Variants in TBCD observed in about 807,000 individuals in gnomAD.
The protein encoded by TBCD is tubulin-specific chaperone D.
A neutral mutation model predicts 169.3 loss-of-function variants in TBCD; 105 were observed. That is an observed-to-expected ratio of 0.62 (90% CI 0.53 to 0.73). The LOEUF is 0.73. Ranked by LOEUF, TBCD falls within the 30% of genes least tolerant of loss-of-function variation. TBCD has a pLI of 0.00. For synonymous variants in TBCD, 700 were observed against 643.9 expected (o/e 1.09, Z -1.32); for missense variants, 1,444 against 1,600.1 (o/e 0.90, Z 1.66).
At chr17:82,776,622 G>A (rs567721271) in intron 6 of TBCD, among the ~76,000 whole-genome samples, 3 of 152,248 alleles carry the variant, frequency 2.0e-5, no homozygotes, top group South Asian at 2.1e-4. Flanking sequence ...GCTGTGTTTC[G>A]ATACTGCACT....
At position 82,807,588 on chromosome 17, in the gene TBCD, T is replaced by C. The variant is rs1319458028; in HGVS notation, c.1088-20T>C. 1.3e-6 allele frequency: 2 copies of C among 1,491,152 alleles called. No homozygotes were observed. Among genetic ancestry groups the C allele is most frequent in the African/African-American group, 1.4e-5 (1 of 71,114 alleles). 92.4% of individuals were successfully genotyped at this position (1,491,152 alleles called of 1,614,324 possible). On this transcript the variant is annotated intron_variant, in intron 10 of 38. Transcript: ENST00000355528. ...AACTTTGTGTGGACTCTGTCACGCA[T>C]CACCTTCCTCTTCCTACAGAGCAGC...
intron 15 of TBCD, among the ~76,000 whole-genome samples, chr17:82,887,168 T>TGTGTGTGTGCGCGCGCGCGC: frequency 1.3e-3 from 160 of 126,156 alleles, no homozygotes; most frequent in South Asian, 2.1e-3. Context: ...TGTGTGTGTG[T>TGTGTGTGTGCGCGCGCGCGC]GCGCGCGCGC....
intron 13 of TBCD, among the ~76,000 whole-genome samples, chr17:82,840,954 G>GTTTTTTTTTT (rs1295995328): frequency 4.5e-5 from 2 of 44,278 alleles, no homozygotes; most frequent in Non-Finnish European, 9.2e-5. Flanking sequence ...AGACAAACTG[G>GTTTTTTTTTT]TTTTTTTTTT....
chr17:82,879,255 C>T (rs1599154803), intron 14 of TBCD, among the ~76,000 whole-genome samples: 2 of 151,876 alleles, frequency 1.3e-5, no homozygotes, highest in African/African-American at 4.8e-5. Flanking sequence ...CCTCTAGGTC[C>T]CCTCCCTCTG....
rs199882667 is a variant in TBCD at position 82,830,704 on chromosome 17, T to C, written c.1318+15770T>C. 254 of 1,613,928 alleles carry C rather than the reference T, an allele frequency of 1.6e-4. No homozygotes were observed. The highest frequency in any genetic ancestry group is 1.1e-4 in the Non-Finnish European group (131 of 1,180,028). On this transcript the variant is annotated intron_variant, in intron 13 of 38. Coordinates refer to ENST00000355528, the MANE Select transcript of TBCD (RefSeq NM_005993.5). ...CTCTGAGAAGCTGGCGGTTTCCGCCTGGGGGCTGCCTTGGTACGTGGGTTC... is the reference window on the plus strand; with the variant it reads ...CTCTGAGAAGCTGGCGGTTTCCGCCCGGGGGCTGCCTTGGTACGTGGGTTC...
At chr17:82,926,860 G>C (rs2061802315) in intron 28 of TBCD, 2 of 495,762 alleles carry the variant, frequency 4.0e-6, no homozygotes, top group Non-Finnish European at 7.2e-6. Flanking sequence ...GCACACAAGA[G>C]GAGCAGTCCC....
At chr17:82,859,738 G>C in intron 13 of TBCD, 1 of 985,478 alleles carries the variant, frequency 1.0e-6, no homozygotes, top group Non-Finnish European at 1.2e-6. Context: ...CCAGTCCACA[G>C]TGGGGGCTGC....
chr17:82,883,534 C>T (rs887952557), intron 14 of TBCD, among the ~76,000 whole-genome samples: 3 of 152,200 alleles, frequency 2.0e-5, no homozygotes, highest in Admixed American at 6.5e-5. Flanking sequence ...AGCGCCTTGG[C>T]GTCTGTGTGT....
rs1401756851 is a variant in TBCD, at chr17:82,915,240, G to A, written c.2038+3451G>A. On this transcript the variant is annotated intron_variant, in intron 23 of 38. Transcript: ENST00000355528. This position sits in a 1 kb window ranked among gnomAD's most constrained non-coding sequence, Gnocchi z 4.3. ...TGACATGCCGCCCGCAGGAGCATCA[G>A]GTGCGCCCTGGCCGCAGGTGCCCCG... Among the ~76,000 whole-genome samples the A allele has an allele frequency of 6.6e-6, 1 of 152,166 alleles. No homozygotes were observed. The highest frequency in any genetic ancestry group is 2.4e-5 in the African/African-American group (1 of 41,448).
intron 22 of TBCD, among the ~76,000 whole-genome samples, chr17:82,911,295 C>T (rs915541640): frequency 1.3e-5 from 2 of 152,232 alleles, no homozygotes; most frequent in Non-Finnish European, 1.5e-5. Context: ...GCGCGCCTGC[C>T]CTTGTGCACC....
At chr17:82,860,636 T>G (rs2056677505) in intron 13 of TBCD, among the ~76,000 whole-genome samples, 1 of 152,202 alleles carries the variant, frequency 6.6e-6, no homozygotes, top group African/African-American at 2.4e-5. Context: ...CTGGCTTTGA[T>G]GGATGATGGA....
At chr17:82,866,498 G>T (rs993231571) in intron 13 of TBCD, among the ~76,000 whole-genome samples, 1 of 152,250 alleles carries the variant, frequency 6.6e-6, no homozygotes, top group South Asian at 2.1e-4. Context: ...CAGCAGCCAG[G>T]CCTTGGCAGC....
intron 17 of TBCD, among the ~76,000 whole-genome samples, chr17:82,898,115 C>T (rs1220520980): frequency 8.3e-6 from 1 of 120,132 alleles, no homozygotes; most frequent in Non-Finnish European, 1.6e-5. Flanking sequence ...GCTCTGTTCT[C>T]CCCGGCTGGT....
At chr17:82,868,514 A>G (rs2057343462) in intron 13 of TBCD, among the ~76,000 whole-genome samples, 1 of 152,162 alleles carries the variant, frequency 6.6e-6, no homozygotes, top group Admixed American at 6.5e-5. Flanking sequence ...TGAACTTTCT[A>G]TTTTGAGGAA....
chr17:82,774,932 C>T (rs1035159491), intron 6 of TBCD, among the ~76,000 whole-genome samples: 3 of 152,226 alleles, frequency 2.0e-5, no homozygotes, highest in African/African-American at 4.8e-5. Flanking sequence ...AGAATGTTTG[C>T]CAACTTCGTT....
At chr17:82,841,981 G>A (rs1374212270) in intron 13 of TBCD, among the ~76,000 whole-genome samples, 1 of 152,226 alleles carries the variant, frequency 6.6e-6, no homozygotes, top group Non-Finnish European at 1.5e-5. Flanking sequence ...AGAGCAAGGC[G>A]GAAGGTTCCA....
At chr17:82,858,717 C>T (rs903392100) in intron 13 of TBCD, 2 of 936,328 alleles carry the variant, frequency 2.1e-6, no homozygotes, top group African/African-American at 1.8e-5. Flanking sequence ...TTCTGACCCT[C>T]CTGTGGATGG....
chr17:82,928,463 C>A lies in TBCD; in HGVS notation c.2693+475C>A, dbSNP rs929957650. Among the ~76,000 whole-genome samples, 4 of 152,034 alleles carry A rather than the reference C, an allele frequency of 2.6e-5. No individual in the cohort carries two copies. In the South Asian group the frequency reaches 8.3e-4, roughly 32 times the overall value. ...ACGGGGTTGTGGGTACCCCCAGGCC[C>A]TGCCCTTTCTGTCGGTCTCTCTGTC... On this transcript the variant is annotated intron_variant, in intron 30 of 38. Coordinates refer to ENST00000355528, the MANE Select transcript of TBCD (RefSeq NM_005993.5).
Position 82,937,336 on chromosome 17 carries a change from A to T in TBCD, c.3257A>T (p.Gln1086Leu). 6.2e-7 allele frequency: 1 copy of T among 1,614,052 alleles called. No homozygotes were observed. The highest frequency in any genetic ancestry group is 1.1e-5 in the South Asian group (1 of 91,088). Reference sequence around the variant, plus strand: ...GAAATCAAGAATTCAAAAGATATCCAGAAGCTCCTGTCAGGCATCGCAGTG... The same window carrying T: ...GAAATCAAGAATTCAAAAGATATCCTGAAGCTCCTGTCAGGCATCGCAGTG... Reference protein sequence around the residue: ...KKEIKNSKDIQKLLSGIAVFC... With the variant: ...KKEIKNSKDILKLLSGIAVFC... Residue 1086 changes from glutamine (Q) to leucine (L), a missense_variant, in exon 35 of 39, where the codon CAG becomes CTG. Gln to Leu is a moderately radical substitution (Grantham distance 113). Transcript: ENST00000355528.
Sources: allele counts gnomAD v4.1 joint callset (sites outside exome capture counted in the v4.1 genomes callset), GRCh38; gene constraint gnomAD v4.1.1; non-coding constraint Gnocchi (gnomAD v3.1); transcripts MANE v1.5; gene names NCBI Gene and HGNC (gene_info 2026-07-23, HGNC 2026-07-21).